The following RAB27A variants were observed in gnomAD, a reference collection of about 807,000 sequenced individuals.
RAB27A encodes the protein ras-related protein Rab-27A.
In RAB27A, 17 loss-of-function variants were observed where a neutral mutation model predicts 20.8. The ratio of observed to expected loss-of-function variants is 0.82; its 90% confidence interval spans 0.56 to 1.23. The LOEUF is 1.23. Ranked by LOEUF, RAB27A falls within the 50% of genes most tolerant of loss-of-function variation. The pLI is 0.00. For missense variants in RAB27A, 277 were observed against 266.7 expected (o/e 1.04, Z -0.27); for synonymous variants, 85 against 92.8 (o/e 0.92, Z 0.48).
At chr15:55,308,186 C>CCCTTT (rs1168580850) in intron 2 of RAB27A, among the ~76,000 whole-genome samples, 2 of 152,066 alleles carry the variant, frequency 1.3e-5, no homozygotes, top group African/African-American at 2.4e-5. Flanking sequence ...CCTTCTATTT[C>CCCTTT]CCTTTCCTTT....
chr15:55,285,747 G>T (rs940881241), intron 1 of RAB27A, among the ~76,000 whole-genome samples: 3 of 152,122 alleles, frequency 2.0e-5, no homozygotes, highest in Non-Finnish European at 4.4e-5. Context: ...TGGCCAACAT[G>T]GTGAAACCCC....
At chr15:55,217,197 C>CA (rs534678774) in intron 6 of RAB27A, among the ~76,000 whole-genome samples, 2 of 152,128 alleles carry the variant, frequency 1.3e-5, no homozygotes, top group African/African-American at 2.4e-5. Flanking sequence ...ACTAATCACT[C>CA]AGAGTTTTCT....
chr15:55,308,990 G>C (rs1403936653), intron 2 of RAB27A, among the ~76,000 whole-genome samples: 3 of 152,186 alleles, frequency 2.0e-5, no homozygotes, highest in Non-Finnish European at 4.4e-5. Flanking sequence ...GACTCCTAGA[G>C]CTATTCCTGG....
intron 1 of RAB27A, among the ~76,000 whole-genome samples, chr15:55,278,923 G>A (rs1051106910): frequency 1.3e-5 from 2 of 152,104 alleles, no homozygotes; most frequent in African/African-American, 2.4e-5. Flanking sequence ...ATCACCAAAC[G>A]GATGAAATAC....
Position 55,204,117 on chromosome 15 carries a change from G to T in RAB27A, c.*1390C>A, listed in dbSNP as rs1469562929. 3.3e-5 allele frequency: 5 copies of T among 152,044 alleles called. No individual in the cohort carries two copies. Among genetic ancestry groups the T allele is most frequent in the Non-Finnish European group, 7.4e-5 (5 of 67,992 alleles). 9.4% of individuals were successfully genotyped at this position (152,044 alleles called of 1,614,324 possible). ...ATTTTTATTCTTTATTTAAATTATG[G>T]TGAGTGATATTTCTTCCTATATAGC... On this transcript the variant is annotated 3_prime_UTR_variant, in exon 7 of 7. Coordinates refer to ENST00000336787, the MANE Select transcript of RAB27A (RefSeq NM_183235.3).
chr15:55,244,408 T>A (rs565169217), intron 2 of RAB27A, among the ~76,000 whole-genome samples: 1 of 152,202 alleles, frequency 6.6e-6, no homozygotes, highest in Admixed American at 6.5e-5. Flanking sequence ...GCTCATGTGA[T>A]CCTCCAGTCT....
chr15:55,288,463 G>A (rs145404355), intron 1 of RAB27A, among the ~76,000 whole-genome samples: 85 of 152,282 alleles, frequency 5.6e-4, no homozygotes, highest in Middle Eastern at 3.4e-3. Context: ...GGAGGTTGCT[G>A]TGAGCCAAGA....
chr15:55,232,725 A>G (rs969125512), intron 3 of RAB27A, among the ~76,000 whole-genome samples: 7 of 152,228 alleles, frequency 4.6e-5, no homozygotes, highest in African/African-American at 1.4e-4. Context: ...TTAAATCCAC[A>G]CAAAGAAATA....
chr15:55,299,008 T>G (rs1256421287), intron 2 of RAB27A, among the ~76,000 whole-genome samples: 1 of 152,174 alleles, frequency 6.6e-6, no homozygotes, highest in Non-Finnish European at 1.5e-5. Flanking sequence ...GCTGTATAAT[T>G]TGTGCAGTTA....
chr15:55,300,011 G>A (rs1454301249), intron 2 of RAB27A, among the ~76,000 whole-genome samples: 3 of 151,762 alleles, frequency 2.0e-5, no homozygotes, highest in Non-Finnish European at 2.9e-5. Context: ...TAGTAGAGAC[G>A]GGGTTTTACC....
chr15:55,302,531 G>A (rs1040068831), intron 2 of RAB27A, among the ~76,000 whole-genome samples: 6 of 151,310 alleles, frequency 4.0e-5, no homozygotes, highest in Non-Finnish European at 5.9e-5. Flanking sequence ...CTGCCTGGCC[G>A]CCCATCGTCT....
chr15:55,289,433 C>T (rs1476722957), intron 1 of RAB27A: 3 of 152,414 alleles, frequency 2.0e-5, no homozygotes, highest in African/African-American at 7.2e-5. Context: ...TTTCCTACCC[C>T]TGATGGGCAT....
chr15:55,279,214 T>A (rs1897952546), intron 1 of RAB27A, among the ~76,000 whole-genome samples: 1 of 152,206 alleles, frequency 6.6e-6, no homozygotes, highest in Non-Finnish European at 1.5e-5. Context: ...CTCTTCTATT[T>A]CTTCTCCACC....
chr15:55,210,278 T>C (rs1374432340), intron 6 of RAB27A, among the ~76,000 whole-genome samples: 1 of 135,176 alleles, frequency 7.4e-6, no homozygotes, highest in African/African-American at 3.3e-5. Flanking sequence ...AGTTCTATTT[T>C]TAGTTTTTTT....
At chr15:55,275,139 C>T (rs1034872788) in intron 1 of RAB27A, among the ~76,000 whole-genome samples, 2 of 151,874 alleles carry the variant, frequency 1.3e-5, no homozygotes, top group African/African-American at 4.8e-5. Context: ...GTAATCCCAG[C>T]TACTTGGGAG....
At chr15:55,217,973 A>G (rs1895393808) in intron 6 of RAB27A, among the ~76,000 whole-genome samples, 1 of 152,250 alleles carries the variant, frequency 6.6e-6, no homozygotes, top group Admixed American at 6.5e-5. Flanking sequence ...TGAGAGGGGC[A>G]TAAGCATTTG....
chr15:55,278,590 C>T lies in RAB27A; in HGVS notation c.-142-8306G>A, dbSNP rs554130582. On this transcript the variant is annotated intron_variant, in intron 1 of 6. Coordinates refer to ENST00000336787, the MANE Select transcript of RAB27A (RefSeq NM_183235.3). ...CTCCACCTCCTGGGTTCACGCCATTCGCCTGCCTCAGCCTCCCAAGTAGCT... is the reference window on the plus strand; with the variant it reads ...CTCCACCTCCTGGGTTCACGCCATTTGCCTGCCTCAGCCTCCCAAGTAGCT... Among the ~76,000 whole-genome samples the T allele has an allele frequency of 4.9e-4, 75 of 151,792 alleles. 1 individual carries two copies. The highest frequency in any genetic ancestry group is 1.6e-3 in the African/African-American group (68 of 41,442).
chr15:55,270,210 G>C lies in RAB27A; in HGVS notation c.-68C>G, dbSNP rs1414033778. On this transcript the variant is annotated 5_prime_UTR_variant, in exon 2 of 7. Transcript: ENST00000336787. ...CTTGTTATGATTTTCTAAAACGTTA[G>C]AGACTGGAGTTACCAATGCTTCAAC... 6.6e-6 allele frequency: 1 copy of C among 151,686 alleles called. No individual in the cohort carries two copies. Among genetic ancestry groups the C allele is most frequent in the Non-Finnish European group, 1.5e-5 (1 of 67,986 alleles). The allele number at this position is 151,686 out of a possible 1,614,324, so 9.4% of individuals were successfully genotyped here.
upstream of RAB27A, among the ~76,000 whole-genome samples, chr15:55,291,196 C>T (rs1046685405): frequency 8.5e-5 from 13 of 152,072 alleles, no homozygotes; most frequent in Non-Finnish European, 1.8e-4. Context: ...AGAGAAGGGC[C>T]ATCAGACTGT....
Sources: allele counts gnomAD v4.1 joint callset (sites outside exome capture counted in the v4.1 genomes callset), GRCh38; gene constraint gnomAD v4.1.1; transcripts MANE v1.5; gene names NCBI Gene and HGNC (gene_info 2026-07-23, HGNC 2026-07-21).